FBXL17: variants seen among roughly 807,000 people sequenced by gnomAD.
The protein encoded by FBXL17 is F-box/LRR-repeat protein 17.
In FBXL17, 22 loss-of-function variants were observed where a neutral mutation model predicts 66.2. The ratio of observed to expected loss-of-function variants is 0.33; its 90% CI spans 0.24 to 0.47. The LOEUF (loss-of-function observed/expected upper bound fraction) is 0.47. FBXL17 is among the 20% of genes least tolerant of loss of function. The pLI is 1.00. For missense variants in FBXL17, 878 were observed against 948.2 expected, an observed-to-expected ratio of 0.93 and a Z score of 0.97; for synonymous variants, 474 against 400.5, an observed-to-expected ratio of 1.18 and a Z score of -2.19.
intron 4 of FBXL17, among the ~76,000 whole-genome samples, chr5:108,244,777 A>G (rs1262848940): frequency 6.6e-6 from 1 of 152,200 alleles, no homozygotes; most frequent in African/African-American, 2.4e-5. Flanking sequence ...CATCAGGGGG[A>G]AAAAGTGCAA....
chr5:108,005,617 T>C (rs1205964865), intron 7 of FBXL17, among the ~76,000 whole-genome samples: 1 of 152,196 alleles, frequency 6.6e-6, no homozygotes, highest in South Asian at 2.1e-4. Flanking sequence ...TCTAAAATGG[T>C]ATTTTAACCA....
At chr5:108,353,519 C>T (rs1747776860) in intron 3 of FBXL17, among the ~76,000 whole-genome samples, 1 of 152,174 alleles carries the variant, frequency 6.6e-6, no homozygotes, top group Admixed American at 6.5e-5. Flanking sequence ...CTCATGCATA[C>T]AGCAATGAGA....
In FBXL17 at chr5:108,057,768, C is replaced by T. The variant is rs527797658; in HGVS notation, c.1746-36767G>A. 2.6e-5 allele frequency among the ~76,000 whole-genome samples: 4 copies of T among 152,176 alleles called. 1 individual carries two copies. In the East Asian group the frequency reaches 7.7e-4, roughly 29 times the overall value. ...GTGTGCTCTTTCAGCAATCCCATTA[C>T]AATAGCTATTTTACTAGAAACAAAA... is the stretch of plus-strand genomic sequence containing the variant. On this transcript the variant is annotated intron_variant, in intron 6 of 8. Coordinates refer to ENST00000542267, the MANE Select transcript of FBXL17 (RefSeq NM_001163315.3).
chr5:108,298,627 C>A (rs996045999), intron 4 of FBXL17: 4 of 919,634 alleles, frequency 4.3e-6, no homozygotes, highest in Non-Finnish European at 3.9e-6. Flanking sequence ...TAGCAAAGTT[C>A]TTGATCAACA....
At chr5:107,953,364 C>G (rs559933163) in intron 7 of FBXL17, among the ~76,000 whole-genome samples, 2 of 144,652 alleles carry the variant, frequency 1.4e-5, no homozygotes, top group African/African-American at 5.2e-5. Flanking sequence ...GATCTCACCA[C>G]TGCACTCCAG....
chr5:108,040,241 G>C (rs1746994644), intron 6 of FBXL17, among the ~76,000 whole-genome samples: 1 of 152,148 alleles, frequency 6.6e-6, no homozygotes, highest in Non-Finnish European at 1.5e-5. Flanking sequence ...TTGTGAAAAA[G>C]AGACTTGTGG....
chr5:108,299,537 T>C (rs1188716331), intron 4 of FBXL17: 4 of 957,662 alleles, frequency 4.2e-6, no homozygotes, highest in Non-Finnish European at 5.0e-6. Flanking sequence ...TATATAATCC[T>C]TCAATTTTAG....
At position 107,916,731 on chromosome 5, in the gene FBXL17, T is replaced by G. The variant is rs532928470; in HGVS notation, c.1823-35552A>C. 2.0e-5 allele frequency among the ~76,000 whole-genome samples: 3 copies of G among 152,312 alleles called. No individual in the cohort carries two copies. In the East Asian group the frequency reaches 5.8e-4, roughly 29 times the overall value. ...TCCCATGGCTCCTGGGCATAAAATATGCTATTTAACTAAAGAATATTTTAC... is the reference window on the plus strand; with the variant it reads ...TCCCATGGCTCCTGGGCATAAAATAGGCTATTTAACTAAAGAATATTTTAC... On this transcript the variant is annotated intron_variant, in intron 7 of 8. Transcript: ENST00000542267.
Position 108,020,959 on chromosome 5 carries a change from C to A in FBXL17, c.1788G>T (p.Glu596Asp), listed in dbSNP as rs777300469. ...TGATTTTACAGGACACCAAATATAGCTCTTTCAGGTTTTGTCCTTCCTTTG... is the reference window on the plus strand; with the variant it reads ...TGATTTTACAGGACACCAAATATAGATCTTTCAGGTTTTGTCCTTCCTTTG... The part of the protein sequence containing the change: ...VIAKEGQNLK[E>D]LYLVSCKITD... The change falls in exon 7 of 9, where the codon GAG (glutamate) becomes GAT (aspartate). Residue 596 changes from glutamate (E) to aspartate (D), a missense_variant. This residue lies in a region of FBXL17 where 236 missense variants were observed against 389.1 expected (regional missense o/e 0.61). Coordinates refer to ENST00000542267, the MANE Select transcript of FBXL17 (RefSeq NM_001163315.3). The A allele has an allele frequency of 7.5e-6, 12 of 1,610,646 alleles. No homozygotes were observed. The highest frequency in any genetic ancestry group is 1.0e-5 in the Non-Finnish European group (12 of 1,177,644).
chr5:107,892,433 T>A (rs1481511065), intron 7 of FBXL17, among the ~76,000 whole-genome samples: 4 of 152,174 alleles, frequency 2.6e-5, no homozygotes, highest in Non-Finnish European at 4.4e-5. Flanking sequence ...AGGTAATACA[T>A]ATTTTTCCTT....
intron 8 of FBXL17, chr5:107,879,493 G>A (rs1378395192): frequency 6.1e-6 from 6 of 985,266 alleles, no homozygotes; most frequent in Non-Finnish European, 7.2e-6. Context: ...AAAGTAAGTC[G>A]CTTCTGGGCT....
rs374848036 is a variant in FBXL17, at chr5:107,941,322, G to C, written c.1823-60143C>G. ...CCATGATTCTCTATCATTGCATCTT[G>C]GGCAACAATAGTTAAAAGTCACTTG... On this transcript the variant is annotated intron_variant, in intron 7 of 8. Coordinates refer to ENST00000542267, the MANE Select transcript of FBXL17 (RefSeq NM_001163315.3). 2.6e-5 allele frequency among the ~76,000 whole-genome samples: 4 copies of C among 152,126 alleles called. No individual in the cohort carries two copies. The East Asian group carries it at 7.7e-4, about 29-fold the overall frequency.
chr5:108,087,139 A>G (rs187105097), intron 6 of FBXL17, among the ~76,000 whole-genome samples: 1 of 152,062 alleles, frequency 6.6e-6, no homozygotes, highest in Admixed American at 6.5e-5. Flanking sequence ...AACCTACCCA[A>G]CCTCTGAGCC....
At chr5:108,175,596 C>A (rs1350814236) in intron 6 of FBXL17, among the ~76,000 whole-genome samples, 1 of 152,106 alleles carries the variant, frequency 6.6e-6, no homozygotes, top group Non-Finnish European at 1.5e-5. Flanking sequence ...AAAACCTTTC[C>A]ATTTTCATGA....
At chr5:108,354,248 T>TA (rs1747818642) in intron 3 of FBXL17, among the ~76,000 whole-genome samples, 1 of 152,174 alleles carries the variant, frequency 6.6e-6, no homozygotes, top group African/African-American at 2.4e-5. Flanking sequence ...CACAGTCAGA[T>TA]ACAGCAGGAA....
At chr5:108,331,471 A>G (rs562957719) in intron 4 of FBXL17, among the ~76,000 whole-genome samples, 1 of 152,342 alleles carries the variant, frequency 6.6e-6, no homozygotes, top group East Asian at 1.9e-4. Flanking sequence ...GTTTCTTACA[A>G]ATTGGTAGTT....
intron 6 of FBXL17, among the ~76,000 whole-genome samples, chr5:108,074,276 G>A (rs1009913474): frequency 2.0e-5 from 3 of 148,964 alleles, no homozygotes; most frequent in Admixed American, 2.0e-4. Context: ...TCGGCAGTTT[G>A]TCCTAGCTAA....
chr5:108,182,524 A>T (rs529064142), intron 6 of FBXL17, among the ~76,000 whole-genome samples: 1 of 152,214 alleles, frequency 6.6e-6, no homozygotes, highest in Non-Finnish European at 1.5e-5. Flanking sequence ...ATTAAAACCT[A>T]AAAGAGCTTG....
intron 6 of FBXL17, among the ~76,000 whole-genome samples, chr5:108,044,552 A>G (rs1218344739): frequency 6.6e-6 from 1 of 152,134 alleles, no homozygotes; most frequent in African/African-American, 2.4e-5. Flanking sequence ...ATTTGCTCAC[A>G]TTTGTAAAGG....
Sources: gnomAD v4.1 joint callset for allele counts (sites outside exome capture counted in the v4.1 genomes callset) on GRCh38, gnomAD v4.1.1 for gene constraint, gnomAD v4.1.1 regional missense constraint, MANE v1.5 for transcripts, NCBI Gene and HGNC (gene_info 2026-07-23, HGNC 2026-07-21) for gene names.